WDR27: variants seen among roughly 807,000 people sequenced by gnomAD.
WDR27 encodes WD repeat-containing protein 27.
In WDR27, 100 loss-of-function variants were observed where a neutral mutation model predicts 114.4. That is an observed-to-expected ratio of 0.87 (90% CI 0.74 to 1.03). WDR27 has a LOEUF of 1.03. Among genes scored for constraint, WDR27 ranks in the 50% least tolerant of loss-of-function variants. WDR27 has a pLI of 0.00. For missense variants in WDR27, 1,129 were observed against 1,092.9 expected (o/e 1.03, Z -0.47); for synonymous variants, 449 against 423.1 (o/e 1.06, Z -0.75).
chr6:169,642,982 C>T (rs1819616431), intron 17 of WDR27, among the ~76,000 whole-genome samples: 1 of 152,182 alleles, frequency 6.6e-6, no homozygotes. Flanking sequence ...ATCTGAGATG[C>T]TTCAACGAGC....
downstream of WDR27, among the ~76,000 whole-genome samples, chr6:169,453,721 T>A (rs1440696366): frequency 1.3e-5 from 2 of 152,234 alleles, no homozygotes; most frequent in African/African-American, 4.8e-5. Context: ...TTAAATTGTA[T>A]CATTTCTTAA....
At chr6:169,428,830 C>T in the WDR27 span, among the ~76,000 whole-genome samples, 2 of 152,198 alleles carry the variant, frequency 1.3e-5, no homozygotes, top group African/African-American at 4.8e-5. Context: ...CTTCCTTTCT[C>T]TGAGCCGCTC....
Position 169,643,581 on chromosome 6 carries a change from G to A in WDR27, c.1747+116C>T, listed in dbSNP as rs531954484. 6.6e-6 allele frequency: 5 copies of A among 756,122 alleles called. No homozygotes were observed. The African/African-American group carries it at 8.8e-5, about 13-fold the overall frequency. 46.8% of individuals were successfully genotyped at this position (756,122 alleles called of 1,614,324 possible). A position where few individuals can be genotyped will look rare whatever the true frequency, so the allele number is the denominator to read the frequency against. ...AGTTTAGACTCCAATTCAAGCCATG[G>A]CTTTGGTTTGCTGATGTCCTGAAGG... On this transcript the variant is annotated intron_variant, in intron 17 of 25. Coordinates refer to ENST00000448612, the MANE Select transcript of WDR27 (RefSeq NM_182552.5).
intron 21 of WDR27, among the ~76,000 whole-genome samples, chr6:169,630,864 A>T (rs1816158814): frequency 6.6e-6 from 1 of 150,788 alleles, no homozygotes; most frequent in African/African-American, 2.4e-5. Flanking sequence ...ACTGCACTCC[A>T]ACCTGGGAGA....
chr6:169,671,155 G>T, intron 3 of WDR27: 1 of 156,818 alleles, frequency 6.4e-6, no homozygotes, highest in South Asian at 2.0e-4. Context: ...CCAAGACCCG[G>T]ACATGTGCAG....
chr6:169,674,315 C>T (rs891887310), intron 2 of WDR27, among the ~76,000 whole-genome samples: 3 of 152,096 alleles, frequency 2.0e-5, no homozygotes, highest in Non-Finnish European at 4.4e-5. Flanking sequence ...AATTACTAGA[C>T]AAGAACATTC....
intron 25 of WDR27, among the ~76,000 whole-genome samples, chr6:169,511,016 C>G (rs1792773674): frequency 6.6e-6 from 1 of 152,202 alleles, no homozygotes; most frequent in Non-Finnish European, 1.5e-5. Context: ...ATACATTGCT[C>G]ATCCTGTCAA....
chr6:169,693,940 A>G, intron 1 of WDR27, among the ~76,000 whole-genome samples: 1 of 152,210 alleles, frequency 6.6e-6, no homozygotes, highest in East Asian at 1.9e-4. Context: ...ATCAGAACAG[A>G]AAGTTAACAA....
intron 24 of WDR27, among the ~76,000 whole-genome samples, chr6:169,574,701 C>T (rs930536705): frequency 3.3e-5 from 5 of 152,098 alleles, no homozygotes; most frequent in Non-Finnish European, 5.9e-5. Flanking sequence ...TGGTGGGGGC[C>T]GGCGCCCTGT....
chr6:169,557,807 T>C (rs1799130778), intron 25 of WDR27, among the ~76,000 whole-genome samples: 1 of 152,134 alleles, frequency 6.6e-6, no homozygotes. Context: ...TTTTAAAAAC[T>C]TGCATTCCCC....
intron 25 of WDR27, chr6:169,558,793 C>T (rs751701407): frequency 4.6e-5 from 7 of 152,140 alleles, no homozygotes; most frequent in African/African-American, 7.2e-5. Context: ...TTCAATTATT[C>T]GTCACTCCAC....
intron 13 of WDR27, 30 bp downstream of exon 13, chr6:169,658,246 T>C (rs762512709): frequency 3.2e-6 from 5 of 1,559,050 alleles, no homozygotes; most frequent in Non-Finnish European, 4.4e-6. Flanking sequence ...CAGCCTTGTA[T>C]TCTTAGATCT....
intron 1 of WDR27, among the ~76,000 whole-genome samples, chr6:169,696,219 GA>G (rs1785909156): frequency 6.6e-6 from 1 of 152,222 alleles, no homozygotes; most frequent in Non-Finnish European, 1.5e-5. Flanking sequence ...GTCCTATCGG[GA>G]CTGAACCCTG....
chr6:169,522,869 G>C (rs1484599857), intron 25 of WDR27, among the ~76,000 whole-genome samples: 3 of 151,638 alleles, frequency 2.0e-5, no homozygotes, highest in Non-Finnish European at 4.4e-5. Context: ...AAGTAGAAAG[G>C]CTTCAAATAA....
At chr6:169,697,500 G>A (rs1463108689) in intron 1 of WDR27, among the ~76,000 whole-genome samples, 1 of 152,200 alleles carries the variant, frequency 6.6e-6, no homozygotes, top group African/African-American at 2.4e-5. Context: ...CCCGACATCA[G>A]TCAGGCTCGC....
intron 16 of WDR27, among the ~76,000 whole-genome samples, chr6:169,644,067 G>A (rs185285679): frequency 2.7e-4 from 41 of 151,298 alleles, no homozygotes; most frequent in African/African-American, 9.5e-4. Context: ...TCACACTGTC[G>A]AAAATCCTAG....
intron 5 of WDR27, chr6:169,667,494 A>G: frequency 1.7e-6 from 1 of 598,658 alleles, no homozygotes; most frequent in Non-Finnish European, 2.1e-6. Context: ...AGATAGAGGC[A>G]CCAAGCGGAA....
intron 6 of WDR27, chr6:169,666,827 A>T: frequency 7.1e-6 from 7 of 985,488 alleles, no homozygotes; most frequent in Non-Finnish European, 8.4e-6. Context: ...GTGTTTCTAC[A>T]GAGAGCAGAA....
At chr6:169,561,129 G>A (rs1360050413) in intron 25 of WDR27, among the ~76,000 whole-genome samples, 1 of 152,106 alleles carries the variant, frequency 6.6e-6, no homozygotes, top group Non-Finnish European at 1.5e-5. Context: ...TCACCGTCCT[G>A]GAGGCTGGAG....
Sources: allele counts gnomAD v4.1 joint callset (sites outside exome capture counted in the v4.1 genomes callset), GRCh38; gene constraint gnomAD v4.1.1; transcripts MANE v1.5; gene names NCBI Gene and HGNC (gene_info 2026-07-23, HGNC 2026-07-21).